The following THSD7B variants were observed in gnomAD, a reference collection of about 807,000 sequenced individuals.
THSD7B encodes thrombospondin type 1 domain containing 7B, also known as thrombospondin type-1 domain-containing protein 7B.
THSD7B carries 138 observed loss-of-function variants against 213.6 expected under a neutral mutation model. The ratio of observed to expected loss-of-function variants is 0.65; its 90% CI spans 0.56 to 0.74. The LOEUF is 0.74. Ranked by LOEUF, THSD7B falls within the 30% of genes least tolerant of loss-of-function variation. The pLI is 0.00. For missense variants in THSD7B, 1,931 were observed against 1,991.5 expected (o/e 0.97, Z 0.58); for synonymous variants, 742 against 687.0 (o/e 1.08, Z -1.25).
At chr2:137,016,685 A>G (rs1307776761) in intron 2 of THSD7B, among the ~76,000 whole-genome samples, 6 of 152,176 alleles carry the variant, frequency 3.9e-5, no homozygotes, top group Admixed American at 6.5e-5. Flanking sequence ...GAGAATATTA[A>G]ATGGTATGTG....
In THSD7B at chr2:137,397,303, C is replaced by T. The variant is rs992879935; in HGVS notation, c.2501-8310C>T. Among the ~76,000 whole-genome samples the T allele has an allele frequency of 3.4e-4, 52 of 152,150 alleles. 1 individual carries two copies. The highest frequency in any genetic ancestry group is 1.5e-3 in the East Asian group (8 of 5,166). On this transcript the variant is annotated intron_variant, in intron 12 of 27. Coordinates refer to ENST00000409968, the MANE Select transcript of THSD7B (RefSeq NM_001316349.2). The stretch of plus-strand genomic sequence containing the variant: ...GGCATGATTTTGCAGCGGCTGGTAC[C>T]GGTTGTTCCTTTCCATGTTTAGCGC...
chr2:137,593,328 A>G (rs1388147316), intron 17 of THSD7B, among the ~76,000 whole-genome samples: 1 of 151,932 alleles, frequency 6.6e-6, no homozygotes, highest in Admixed American at 6.6e-5. Flanking sequence ...TATATTAATT[A>G]TTAGAAATTT....
chr2:137,352,172 G>C (rs892943100), intron 12 of THSD7B, among the ~76,000 whole-genome samples: 4 of 151,622 alleles, frequency 2.6e-5, no homozygotes, highest in African/African-American at 9.7e-5. Context: ...GGAGGAGGAG[G>C]AGGAGGAGGG....
At chr2:137,520,638 G>A (rs1037424768) in intron 15 of THSD7B, among the ~76,000 whole-genome samples, 1 of 152,220 alleles carries the variant, frequency 6.6e-6, no homozygotes, top group African/African-American at 2.4e-5. Context: ...GTGCTCGTAA[G>A]AATGACAAGC....
chr2:136,842,339 T>C (rs1682932883), intron 1 of THSD7B, among the ~76,000 whole-genome samples: 1 of 152,226 alleles, frequency 6.6e-6, no homozygotes, highest in Non-Finnish European at 1.5e-5. Context: ...TTGTTCCTTG[T>C]CCAAAAATAA....
intron 2 of THSD7B, among the ~76,000 whole-genome samples, chr2:136,909,946 T>TA (rs1684230324): frequency 6.6e-6 from 1 of 152,128 alleles, no homozygotes; most frequent in South Asian, 2.1e-4. Context: ...GAGAGTGTAA[T>TA]AGCCTAGGAA....
At chr2:137,394,001 T>C (rs895278820) in intron 12 of THSD7B, among the ~76,000 whole-genome samples, 2 of 135,112 alleles carry the variant, frequency 1.5e-5, no homozygotes, top group African/African-American at 5.5e-5. Flanking sequence ...CACTTTTTGA[T>C]GGGGTTGTTT....
At chr2:136,911,664 T>C (rs1302428110) in intron 2 of THSD7B, among the ~76,000 whole-genome samples, 1 of 152,252 alleles carries the variant, frequency 6.6e-6, no homozygotes, top group Non-Finnish European at 1.5e-5. Context: ...AGCAAGATTG[T>C]ATGTGTACCT....
chr2:137,107,285 G>T (rs999253293), intron 4 of THSD7B, among the ~76,000 whole-genome samples: 29 of 152,170 alleles, frequency 1.9e-4, no homozygotes, highest in African/African-American at 7.0e-4. Context: ...ACTAACACAG[G>T]AACAGAAAAC....
intron 10 of THSD7B, among the ~76,000 whole-genome samples, chr2:137,249,010 C>A (rs1682107293): frequency 6.6e-6 from 1 of 152,082 alleles, no homozygotes; most frequent in Non-Finnish European, 1.5e-5. Flanking sequence ...TTCCTTTAGT[C>A]TGTAATTTAA....
chr2:137,131,376 T>C (rs900648834), intron 5 of THSD7B, among the ~76,000 whole-genome samples: 3 of 152,176 alleles, frequency 2.0e-5, no homozygotes, highest in East Asian at 1.9e-4. Flanking sequence ...AGAAGCTCTT[T>C]AGTTTAATTA....
chr2:137,675,581 T>C (rs923231459), intron 27 of THSD7B, among the ~76,000 whole-genome samples: 6 of 152,026 alleles, frequency 3.9e-5, no homozygotes, highest in African/African-American at 1.5e-4. Context: ...AAAGTAGCAA[T>C]AATTCTAATG....
chr2:137,583,733 T>A (rs1164289086), intron 17 of THSD7B, among the ~76,000 whole-genome samples: 2 of 152,238 alleles, frequency 1.3e-5, no homozygotes, highest in Non-Finnish European at 2.9e-5. Flanking sequence ...GCTGTTTTGG[T>A]TACTGTAGCC....
At chr2:137,584,022 G>C (rs1573724778) in intron 17 of THSD7B, among the ~76,000 whole-genome samples, 1 of 115,188 alleles carries the variant, frequency 8.7e-6, no homozygotes, top group Non-Finnish European at 2.0e-5. Flanking sequence ...GTTGAGCAGT[G>C]GTTTGTAGTT....
At chr2:137,115,547 A>G (rs1688434062) in intron 5 of THSD7B, among the ~76,000 whole-genome samples, 1 of 152,172 alleles carries the variant, frequency 6.6e-6, no homozygotes, top group African/African-American at 2.4e-5. Flanking sequence ...TAGGGTGTGT[A>G]GCATAGATAA....
intron 15 of THSD7B, among the ~76,000 whole-genome samples, chr2:137,473,200 ATAT>A (rs1195314374): frequency 6.6e-6 from 1 of 151,682 alleles, no homozygotes; most frequent in East Asian, 1.9e-4. Context: ...ATTATTATTA[ATAT>A]TATTATTTGT....
At chr2:137,236,853 G>C (rs558854534) in intron 9 of THSD7B, among the ~76,000 whole-genome samples, 1 of 152,172 alleles carries the variant, frequency 6.6e-6, no homozygotes, top group African/African-American at 2.4e-5. Context: ...GCTCATGCCT[G>C]TAATCCCAGC....
intron 17 of THSD7B, among the ~76,000 whole-genome samples, chr2:137,597,442 A>G (rs1681983587): frequency 6.7e-6 from 1 of 150,294 alleles, no homozygotes; most frequent in Non-Finnish European, 1.5e-5. Flanking sequence ...AATGGGCAAA[A>G]GAAAAACAAA....
chr2:137,313,598 G>A (rs1683985504), intron 12 of THSD7B, among the ~76,000 whole-genome samples: 1 of 151,338 alleles, frequency 6.6e-6, no homozygotes. Context: ...TTTCTTCCTA[G>A]TCTCGATGGT....
Sources: allele counts gnomAD v4.1 joint callset (sites outside exome capture counted in the v4.1 genomes callset), GRCh38; gene constraint gnomAD v4.1.1; transcripts MANE v1.5; gene names NCBI Gene and HGNC (gene_info 2026-07-23, HGNC 2026-07-21).